The following FLRT2 variants were observed in gnomAD, a reference collection of about 807,000 sequenced individuals.
FLRT2 encodes the protein fibronectin leucine rich transmembrane protein 2.
A neutral mutation model predicts 40.0 loss-of-function variants in FLRT2; 15 were observed. That is an observed-to-expected ratio of 0.38 (90% CI 0.25 to 0.58). The LOEUF (loss-of-function observed/expected upper bound fraction) is 0.58, where lower values mean the gene tolerates loss of function less well. Among genes scored for constraint, FLRT2 ranks in the 20% least tolerant of loss-of-function variants. The probability of loss-of-function intolerance (pLI) is 0.71; values close to 1 mark genes in which losing one functional copy is unlikely to be tolerated. For synonymous variants in FLRT2, 380 were observed against 336.8 expected, an observed-to-expected ratio of 1.13 and a Z score of -1.41; for missense variants, 726 against 840.0, an observed-to-expected ratio of 0.86 and a Z score of 1.68.
chr14:85,580,824 T>C (rs987887474), intron 1 of FLRT2, among the ~76,000 whole-genome samples: 1 of 152,140 alleles, frequency 6.6e-6, no homozygotes, highest in African/African-American at 2.4e-5. Flanking sequence ...GTTTTACTTA[T>C]ATATCAAGGA....
chr14:85,578,239 A>G (rs547005047), intron 1 of FLRT2, among the ~76,000 whole-genome samples: 7 of 147,362 alleles, frequency 4.8e-5, no homozygotes, highest in Non-Finnish European at 7.5e-5. Context: ...TATATTTTTT[A>G]TGTATATATA....
At chr14:85,545,502 T>C (rs912015402) in intron 1 of FLRT2, among the ~76,000 whole-genome samples, 3 of 152,148 alleles carry the variant, frequency 2.0e-5, no homozygotes, top group African/African-American at 7.2e-5. Context: ...AATTCAGAGG[T>C]GATTACTCAC....
intron 1 of FLRT2, among the ~76,000 whole-genome samples, chr14:85,593,766 T>TA (rs1892009047): frequency 6.6e-6 from 1 of 152,212 alleles, no homozygotes. Flanking sequence ...ATCTGATATT[T>TA]AAAAATTATG....
intron 1 of FLRT2, among the ~76,000 whole-genome samples, chr14:85,536,260 G>A (rs1888653196): frequency 6.6e-6 from 1 of 152,048 alleles, no homozygotes; most frequent in South Asian, 2.1e-4. Flanking sequence ...TTTTAAGAAA[G>A]GCTCAAGTAT....
At chr14:85,570,955 G>A (rs1242286171) in intron 1 of FLRT2, among the ~76,000 whole-genome samples, 2 of 152,010 alleles carry the variant, frequency 1.3e-5, no homozygotes, top group African/African-American at 4.8e-5. Flanking sequence ...CCTTTTCTTT[G>A]CACTTTACTG....
intron 1 of FLRT2, among the ~76,000 whole-genome samples, chr14:85,600,282 G>A (rs966542558): frequency 6.6e-6 from 1 of 152,212 alleles, no homozygotes; most frequent in Non-Finnish European, 1.5e-5. Flanking sequence ...ATGGACGTGT[G>A]TGGCTGTCGG....
rs759218903 is a variant in FLRT2 at position 85,622,188 on chromosome 14, C to T, written c.674C>T (p.Thr225Ile). Residue 225 changes from threonine (T) to isoleucine (I), a missense_variant, in exon 2 of 2, where the codon ACC becomes ATC. Transcript: ENST00000330753. ...LLTNKGIAEG[T>I]FSHLTKLKEF... ...ACCAACAAGGGTATCGCCGAGGGCA[C>T]CTTCAGCCATCTCACCAAGCTCAAG... 2.2e-5 allele frequency: 35 copies of T among 1,613,974 alleles called. No homozygotes were observed. Among genetic ancestry groups the T allele is most frequent in the East Asian group, 2.0e-4 (9 of 44,866 alleles).
At chr14:85,532,930 C>T (rs1449505708) in intron 1 of FLRT2, among the ~76,000 whole-genome samples, 1 of 152,174 alleles carries the variant, frequency 6.6e-6, no homozygotes, top group African/African-American at 2.4e-5. Flanking sequence ...CAGATGGTGA[C>T]ATTATCCCTA....
rs1448198421 is a variant in FLRT2, at chr14:85,556,874, AAG to A, written c.-377+26343_-377+26344del. On this transcript the variant is annotated intron_variant, in intron 1 of 1. Transcript: ENST00000330753. ...AGACATACCCAAGACTGGGAAGAAAAAGAGGTTTAATTGGGCTTACAGTTCCA... is the reference window on the plus strand; with the variant it reads ...AGACATACCCAAGACTGGGAAGAAAAAGGTTTAATTGGGCTTACAGTTCCA... Among the ~76,000 whole-genome samples, 3 of 152,164 alleles carry A rather than the reference AAG, an allele frequency of 2.0e-5. No individual in the cohort carries two copies. In the East Asian group the frequency reaches 5.8e-4, roughly 29 times the overall value.
chr14:85,592,146 A>G (rs1398255026), intron 1 of FLRT2, among the ~76,000 whole-genome samples: 3 of 150,486 alleles, frequency 2.0e-5, no homozygotes, highest in African/African-American at 7.4e-5. Context: ...AACAAAAAAA[A>G]TATTTTATAA....
Position 85,623,614 on chromosome 14 carries a change from AT to A in FLRT2, c.*120del, listed in dbSNP as rs762543351. On this transcript the variant is annotated 3_prime_UTR_variant, in exon 2 of 2. Transcript: ENST00000330753. ...AAATGTTACACAGATGCATTTGTGC[AT>A]TTGAATACTCTGTAATTTATACGGT... 76 of 773,548 alleles carry A rather than the reference AT, an allele frequency of 9.8e-5. No individual in the cohort carries two copies. The highest frequency in any genetic ancestry group is 2.0e-4 in the Admixed American group (7 of 34,874). The allele number at this position is 773,548 out of a possible 1,614,324, so 47.9% of individuals were successfully genotyped here.
chr14:85,570,354 C>A (rs944141754), intron 1 of FLRT2, among the ~76,000 whole-genome samples: 8 of 152,082 alleles, frequency 5.3e-5, no homozygotes, highest in African/African-American at 1.9e-4. Context: ...AATTAGAATT[C>A]ATAGTCTTAC....
intron 1 of FLRT2, among the ~76,000 whole-genome samples, chr14:85,601,977 C>T (rs1892395558): frequency 6.6e-6 from 1 of 152,042 alleles, no homozygotes; most frequent in African/African-American, 2.4e-5. Context: ...TTGTCTACCA[C>T]CAACAATGAT....
intron 1 of FLRT2, among the ~76,000 whole-genome samples, chr14:85,618,034 T>C (rs1893211858): frequency 6.6e-6 from 1 of 152,188 alleles, no homozygotes; most frequent in South Asian, 2.1e-4. Context: ...GGTTGGCTGA[T>C]GGGGGCCTGT....
intron 1 of FLRT2, among the ~76,000 whole-genome samples, chr14:85,557,548 C>T (rs181835180): frequency 2.6e-5 from 4 of 152,158 alleles, no homozygotes. Flanking sequence ...CGGTGGCTCA[C>T]GCCTGTAATC....
intron 1 of FLRT2, among the ~76,000 whole-genome samples, chr14:85,564,512 A>C (rs1227626909): frequency 2.0e-5 from 3 of 152,184 alleles, no homozygotes; most frequent in Non-Finnish European, 4.4e-5. Context: ...TGGACCAACC[A>C]AGATTGTTCC....
rs1320977840 is a variant in FLRT2 at position 85,651,975 on chromosome 14, A to G, written c.*28478A>G. The G allele has an allele frequency of 6.6e-6, 1 of 152,094 alleles. No homozygotes were observed. Among genetic ancestry groups the G allele is most frequent in the Non-Finnish European group, 1.5e-5 (1 of 67,962 alleles). 9.4% of individuals were successfully genotyped at this position (152,094 alleles called of 1,614,324 possible). A position where few individuals can be genotyped will look rare whatever the true frequency, so the allele number is the denominator to read the frequency against. On this transcript the variant is annotated 3_prime_UTR_variant, in exon 2 of 2. Transcript: ENST00000330753. Reference sequence around the variant, plus strand: ...CCACTAGGGCTGGGGCTAATGGAAAATACATCTTAAAAAGTCTTCTGTGTA... The same window carrying G: ...CCACTAGGGCTGGGGCTAATGGAAAGTACATCTTAAAAAGTCTTCTGTGTA...
chr14:85,582,370 T>C (rs974321227), intron 1 of FLRT2, among the ~76,000 whole-genome samples: 2 of 152,208 alleles, frequency 1.3e-5, no homozygotes, highest in Non-Finnish European at 2.9e-5. Context: ...AAATTACTTG[T>C]TCAATAACTC....
At chr14:85,588,059 G>A (rs903928568) in intron 1 of FLRT2, among the ~76,000 whole-genome samples, 1 of 152,064 alleles carries the variant, frequency 6.6e-6, no homozygotes, top group Non-Finnish European at 1.5e-5. Context: ...AGCCTCCCGA[G>A]TGATATTTCA....
Sources: allele counts gnomAD v4.1 joint callset (sites outside exome capture counted in the v4.1 genomes callset), GRCh38; gene constraint gnomAD v4.1.1; transcripts MANE v1.5; gene names NCBI Gene and HGNC (gene_info 2026-07-23, HGNC 2026-07-21).